MYH11: variants seen among roughly 807,000 people sequenced by gnomAD.
MYH11 encodes myosin-11.
MYH11 carries 80 observed loss-of-function variants against 246.6 expected under a neutral mutation model. The ratio of observed to expected loss-of-function variants is 0.32; its 90% CI spans 0.27 to 0.39. MYH11 has a LOEUF of 0.39. MYH11 is among the 10% of genes least tolerant of loss of function. MYH11 has a pLI of 1.00. For missense variants in MYH11, 2,158 were observed against 2,546.8 expected (o/e 0.85, Z 3.29); for synonymous variants, 1,071 against 1,015.5 (o/e 1.05, Z -1.04).
At chr16:15,834,199 C>T (rs1173093573) in intron 2 of MYH11, among the ~76,000 whole-genome samples, 3 of 152,052 alleles carry the variant, frequency 2.0e-5, no homozygotes, top group Non-Finnish European at 4.4e-5. Context: ...CCAATTTTCC[C>T]TCTAGCTCCC....
intron 38 of MYH11, among the ~76,000 whole-genome samples, chr16:15,715,927 A>G (rs1277545255): frequency 6.6e-6 from 1 of 151,320 alleles, no homozygotes; most frequent in Non-Finnish European, 1.5e-5. Context: ...GGAGTTCGAG[A>G]CCAGCCTGGC....
intron 4 of MYH11, among the ~76,000 whole-genome samples, chr16:15,794,605 AGTTC>A (rs1459757091): frequency 1.2e-4 from 18 of 152,348 alleles, no homozygotes; most frequent in African/African-American, 4.1e-4. Context: ...TAATCAAGAT[AGTTC>A]GTGGTGGAGA....
At chr16:15,759,301 T>C (rs925890266) in intron 12 of MYH11, among the ~76,000 whole-genome samples, 5 of 148,388 alleles carry the variant, frequency 3.4e-5, no homozygotes, top group African/African-American at 1.2e-4. Flanking sequence ...ATGGAGCCAA[T>C]ATGGAGGAAG....
At chr16:15,715,343 A>T in intron 38 of MYH11, 71 bp from the exon 39 acceptor site, 1 of 1,483,730 alleles carries the variant, frequency 6.7e-7, no homozygotes, top group East Asian at 2.3e-5. Context: ...TGTCACCTGG[A>T]GGTGGCATCT....
At chr16:15,783,957 A>T (rs953028491) in intron 5 of MYH11, among the ~76,000 whole-genome samples, 1 of 152,124 alleles carries the variant, frequency 6.6e-6, no homozygotes, top group African/African-American at 2.4e-5. Flanking sequence ...TCGGGAGCCA[A>T]GGAAGACACC....
In MYH11 at chr16:15,818,870, C is replaced by T. The variant is rs530899657; in HGVS notation, c.502+4385G>A. On this transcript the variant is annotated intron_variant, in intron 3 of 40. Coordinates refer to ENST00000300036, the MANE Select transcript of MYH11 (RefSeq NM_002474.3). ...TTTATCTTTTATGGATGTGCATATT[C>T]ACGGTTTTCATTTTCTTTCTTTCTT... 1.4e-3 allele frequency among the ~76,000 whole-genome samples: 207 copies of T among 152,256 alleles called. 1 individual carries two copies. The highest frequency in any genetic ancestry group is 4.7e-3 in the African/African-American group (196 of 41,550).
chr16:15,851,490 A>G (rs2044327727), intron 1 of MYH11, among the ~76,000 whole-genome samples: 1 of 152,216 alleles, frequency 6.6e-6, no homozygotes, highest in Non-Finnish European at 1.5e-5. Flanking sequence ...ATTTGGAGTC[A>G]GGAGTACAAT....
chr16:15,819,006 A>G (rs1384199797), intron 3 of MYH11, among the ~76,000 whole-genome samples: 1 of 152,152 alleles, frequency 6.6e-6, no homozygotes, highest in Non-Finnish European at 1.5e-5. Flanking sequence ...CAGCCTCCAG[A>G]GTAGCTAGGA....
intron 4 of MYH11, among the ~76,000 whole-genome samples, chr16:15,788,244 G>A (rs2042524126): frequency 6.6e-6 from 1 of 151,346 alleles, no homozygotes. Context: ...CTTGTTTATC[G>A]TCTTCTTCTA....
intron 40 of MYH11, chr16:15,708,778 A>G: frequency 3.1e-6 from 5 of 1,599,984 alleles, no homozygotes; most frequent in Non-Finnish European, 4.3e-6. Flanking sequence ...GACAACACAC[A>G]GCTGCGAAGC....
intron 12 of MYH11, 106 bp from the exon 13 acceptor site, chr16:15,758,106 A>G: frequency 3.3e-6 from 5 of 1,528,424 alleles, no homozygotes. Context: ...GCCCGCCCAC[A>G]TCCTGTTCTG....
chr16:15,853,349 G>A (rs886281613), intron 1 of MYH11, among the ~76,000 whole-genome samples: 13 of 152,042 alleles, frequency 8.6e-5, no homozygotes, highest in African/African-American at 1.7e-4. Flanking sequence ...ATGGTGCCTC[G>A]CTATGTTGCC....
chr16:15,746,691 C>A (rs1199837213), intron 19 of MYH11, among the ~76,000 whole-genome samples: 2 of 152,152 alleles, frequency 1.3e-5, no homozygotes, highest in Non-Finnish European at 2.9e-5. Context: ...CTTCACAGAA[C>A]AGCTGGGACA....
At chr16:15,712,412 G>C (rs760740044) in intron 40 of MYH11, among the ~76,000 whole-genome samples, 7 of 152,116 alleles carry the variant, frequency 4.6e-5, no homozygotes, top group Non-Finnish European at 1.0e-4. Context: ...CACGTGGGGA[G>C]GCTGAGGCGG....
chr16:15,704,992 T>G (rs2039371605), intron 40 of MYH11, among the ~76,000 whole-genome samples: 1 of 152,160 alleles, frequency 6.6e-6, no homozygotes, highest in Non-Finnish European at 1.5e-5. Flanking sequence ...AAGGTGGATT[T>G]AAAAAAGAAA....
At chr16:15,734,590 A>C (rs1284198493) in intron 26 of MYH11, among the ~76,000 whole-genome samples, 2 of 152,028 alleles carry the variant, frequency 1.3e-5, no homozygotes, top group Non-Finnish European at 2.9e-5. Context: ...CGTGAGCCCG[A>C]CCCTAAAGGT....
At position 15,718,365 on chromosome 16, in the gene MYH11, G is replaced by C. The variant is rs567806167; in HGVS notation, c.5245C>G (p.Gln1749Glu). The C allele has an allele frequency of 1.2e-6, 2 of 1,607,810 alleles. No homozygotes were observed. Among genetic ancestry groups the C allele is most frequent in the Non-Finnish European group, 1.7e-6 (2 of 1,179,378 alleles). ...TCGCTCATGGCCTCCATGTTGCCCTGCTCCTCCTCCAGCTCCTCCTCCAGC... is the reference window on the plus strand; with the variant it reads ...TCGCTCATGGCCTCCATGTTGCCCTCCTCCTCCTCCAGCTCCTCCTCCAGC... ...AQLEEELEEE[Q>E]GNMEAMSDRV... is the part of the protein sequence containing the mutation. Residue 1749 changes from glutamine to glutamate, a missense_variant, in exon 37 of 41, where the codon CAG becomes GAG. Physicochemically the swap from Gln to Glu is conservative, Grantham distance 29. This residue lies in a region of MYH11 where 1,013 missense variants were observed against 993.5 expected (regional missense o/e 1.02). Transcript: ENST00000300036.
intron 3 of MYH11, among the ~76,000 whole-genome samples, chr16:15,810,623 T>C (rs771815570): frequency 7.9e-5 from 12 of 152,234 alleles, no homozygotes; most frequent in Middle Eastern, 3.4e-3. Context: ...TACCCCTTCC[T>C]GGAGATGTGT....
chr16:15,797,538 A>T (rs2042770324), intron 4 of MYH11, among the ~76,000 whole-genome samples: 1 of 147,304 alleles, frequency 6.8e-6, no homozygotes, highest in Admixed American at 6.8e-5. Flanking sequence ...CAGACCTTCA[A>T]ATATATATAT....
Sources: gnomAD v4.1 joint callset for allele counts (sites outside exome capture counted in the v4.1 genomes callset) on GRCh38, gnomAD v4.1.1 for gene constraint, gnomAD v4.1.1 regional missense constraint, MANE v1.5 for transcripts, NCBI Gene and HGNC (gene_info 2026-07-23, HGNC 2026-07-21) for gene names.